Variants in ZNF808 observed in about 807,000 individuals in gnomAD.
ZNF808 encodes zinc finger protein 808.
ZNF808 carries 5 observed loss-of-function variants against 8.7 expected under a neutral mutation model. The observed-to-expected ratio is 0.58, with a 90% CI of 0.30 to 1.21. The LOEUF (loss-of-function observed/expected upper bound fraction) is 1.21, where lower values mean the gene tolerates loss of function less well. Ranked by LOEUF, ZNF808 falls within the 50% of genes most tolerant of loss-of-function variation. ZNF808 has a pLI of 0.07. For synonymous variants in ZNF808, 380 were observed against 366.0 expected, an observed-to-expected ratio of 1.04 and a Z score of -0.44; for missense variants, 1,103 against 1,098.4, an observed-to-expected ratio of 1.00 and a Z score of -0.06.
rs530849010 is a variant in ZNF808 at position 52,535,505 on chromosome 19, C to G, written c.-20+2496C>G. 2.6e-5 allele frequency among the ~76,000 whole-genome samples: 4 copies of G among 152,272 alleles called. 1 individual carries two copies. In the East Asian group the frequency reaches 5.8e-4, roughly 22 times the overall value. ...TAGCTGGGACCTCAGGCTTCCGCCC[C>G]GTGCCCGCATCCCTGCTGTGTTTAG... On this transcript the variant is annotated intron_variant, in intron 2 of 4. Coordinates refer to ENST00000359798, the MANE Select transcript of ZNF808 (RefSeq NM_001039886.4).
chr19:52,567,204 G>A (rs1484687001), downstream of ZNF808, among the ~76,000 whole-genome samples: 1 of 151,766 alleles, frequency 6.6e-6, no homozygotes, highest in South Asian at 2.1e-4. Context: ...CCCCCACGTC[G>A]GCCTTCCAAA....
downstream of ZNF808, among the ~76,000 whole-genome samples, chr19:52,559,609 G>A (rs1023877797): frequency 1.4e-4 from 21 of 152,176 alleles, no homozygotes; most frequent in East Asian, 9.7e-4. Flanking sequence ...AAATCTCTCC[G>A]TTCCACCTGA....
chr19:52,553,509 G>A lies in ZNF808; in HGVS notation c.593G>A (p.Cys198Tyr), dbSNP rs1167526007. 6 of 1,614,002 alleles carry A rather than the reference G, an allele frequency of 3.7e-6. No homozygotes were observed. The highest frequency in any genetic ancestry group is 3.3e-5 in the Admixed American group (2 of 59,984). ...SSVSTSQRIS[C>Y]RPQIHISNNY... ...GTTTCAACATCCCAAAGAATTTCCT[G>A]TAGGCCCCAAATCCATATTTCTAAT... is the stretch of plus-strand genomic sequence containing the variant. Residue 198 changes from cysteine (C) to tyrosine (Y), a missense_variant, in exon 5 of 5, where the codon TGT becomes TAT. Transcript: ENST00000359798.
In ZNF808 at chr19:52,554,911, A is replaced by G; in HGVS notation, c.1995A>G (p.Ser665=). ...GGAAGACCTTCAGTTACAAGTCATC[A>G]CTTGTATGGCATCGTAGACTTCATG... ...ECGKTFSYKS[S]LVWHRRLHGG... Residue 665 remains serine, a synonymous_variant, in exon 5 of 5, where the codon TCA becomes TCG. Coordinates refer to ENST00000359798, the MANE Select transcript of ZNF808 (RefSeq NM_001039886.4). The G allele has an allele frequency of 6.2e-7, 1 of 1,614,064 alleles. No homozygotes were observed. Among genetic ancestry groups the G allele is most frequent in the Middle Eastern group, 1.7e-4 (1 of 6,060 alleles).
chr19:52,545,204 C>T (rs1395107319), intron 3 of ZNF808, among the ~76,000 whole-genome samples: 1 of 151,922 alleles, frequency 6.6e-6, no homozygotes, highest in Non-Finnish European at 1.5e-5. Context: ...AGTTGAGTCT[C>T]TGTTGTCCAG....
Position 52,554,510 on chromosome 19 carries a change from C to T in ZNF808, c.1594C>T (p.Leu532Phe). 3.1e-6 allele frequency: 5 copies of T among 1,614,154 alleles called. No individual in the cohort carries two copies. Among genetic ancestry groups the T allele is most frequent in the Non-Finnish European group, 4.2e-6 (5 of 1,180,032 alleles). Residue 532 changes from leucine to phenylalanine, a missense_variant, in exon 5 of 5, where the codon CTT becomes TTT. Leu to Phe is a conservative substitution (Grantham distance 22). Transcript: ENST00000359798. ...HRASLVYHRR[L>F]HTLEKSYKCT... Reference sequence around the variant, plus strand: ...GGCATCCCTTGTATACCATCGTAGACTTCACACTCTAGAGAAATCTTACAA... The same window carrying T: ...GGCATCCCTTGTATACCATCGTAGATTTCACACTCTAGAGAAATCTTACAA...
intron 2 of ZNF808, among the ~76,000 whole-genome samples, chr19:52,543,012 TC>T (rs2059686920): frequency 2.6e-5 from 4 of 151,644 alleles, no homozygotes; most frequent in Non-Finnish European, 5.9e-5. Context: ...AAAGGGGGCA[TC>T]AGTGCAGCCC....
rs747758680 is a variant in ZNF808, at chr19:52,554,395, C to T, written c.1479C>T (p.Ser493=). The T allele has an allele frequency of 7.4e-6, 12 of 1,613,364 alleles. No homozygotes were observed. The highest frequency in any genetic ancestry group is 4.0e-5 in the African/African-American group (3 of 74,682). The part of the protein sequence containing the change: ...YKCNECRKTF[S]RRSSLLCHRR... ...GTAATGAGTGTCGCAAGACCTTCAG[C>T]CGCAGGTCATCCCTTCTATGCCATC... Residue 493 remains serine, a synonymous_variant, in exon 5 of 5, where the codon AGC becomes AGT. Coordinates refer to ENST00000359798, the MANE Select transcript of ZNF808 (RefSeq NM_001039886.4).
intron 1 of ZNF808, among the ~76,000 whole-genome samples, chr19:52,528,079 C>G (rs758037548): frequency 1.4e-4 from 21 of 152,186 alleles, no homozygotes; most frequent in Non-Finnish European, 2.6e-4. Flanking sequence ...GAGCGTCGCG[C>G]CGCAGCCCCA....
At chr19:52,564,091 A>G (rs755760566) in exon 4 of ZNF808, 19 of 648,196 alleles carry the variant, frequency 2.9e-5, no homozygotes, top group Non-Finnish European at 4.6e-5. Flanking sequence ...TTCTCACAAG[A>G]CTTTCAGGAT....
chr19:52,539,702 C>T (rs1177009423), intron 2 of ZNF808, among the ~76,000 whole-genome samples: 2 of 151,464 alleles, frequency 1.3e-5, no homozygotes, highest in Non-Finnish European at 2.9e-5. Context: ...TACAGGCACA[C>T]ACCACCATGG....
intron 3 of ZNF808, among the ~76,000 whole-genome samples, chr19:52,562,837 G>C (rs1415827932): frequency 6.6e-6 from 1 of 151,920 alleles, no homozygotes; most frequent in African/African-American, 2.4e-5. Context: ...GCAATGGCAT[G>C]ATCTCGGCTC....
chr19:52,530,195 G>A (rs2059548760), intron 1 of ZNF808, among the ~76,000 whole-genome samples: 1 of 152,050 alleles, frequency 6.6e-6, no homozygotes, highest in Admixed American at 6.6e-5. Flanking sequence ...AGAGTAGTTG[G>A]GAGTACAGGC....
chr19:52,542,518 C>T (rs77588827), intron 2 of ZNF808, among the ~76,000 whole-genome samples: 10,320 of 152,118 alleles, frequency 0.068, 361 homozygotes, highest in Non-Finnish European at 0.078. Context: ...TCATCTTCTC[C>T]GGGTTTCCTT....
intron 2 of ZNF808, among the ~76,000 whole-genome samples, chr19:52,538,330 A>AATT (rs760151370): frequency 4.7e-4 from 58 of 124,438 alleles, no homozygotes; most frequent in Admixed American, 1.2e-3. Flanking sequence ...CCTACATACT[A>AATT]ATTATTATTA....
Position 52,553,312 on chromosome 19 carries a change from A to T in ZNF808, c.396A>T (p.Ile132=), listed in dbSNP as rs776320019. Residue 132 remains isoleucine, a synonymous_variant, in exon 5 of 5, where the codon ATA becomes ATT. Coordinates refer to ENST00000359798, the MANE Select transcript of ZNF808 (RefSeq NM_001039886.4). ...GCCATGAAGCACCCACGACAAAAAT[A>T]AAAAAGTTGACTGGTAGCACAGACC... is the stretch of plus-strand genomic sequence containing the variant. The part of the protein sequence containing the change: ...RNGHEAPTTK[I]KKLTGSTDQH... 8 of 1,613,714 alleles carry T rather than the reference A, an allele frequency of 5.0e-6. No homozygotes were observed. Among genetic ancestry groups the T allele is most frequent in the Middle Eastern group, 3.3e-4 (2 of 6,060 alleles).
At chr19:52,552,767 A>T (rs1267265225) in intron 4 of ZNF808, among the ~76,000 whole-genome samples, 1 of 147,746 alleles carries the variant, frequency 6.8e-6, no homozygotes, top group Non-Finnish European at 1.5e-5. Context: ...AAGAATATAT[A>T]TTTTTCTCTT....
chr19:52,538,630 A>G (rs1445312855), intron 2 of ZNF808, among the ~76,000 whole-genome samples: 1 of 145,898 alleles, frequency 6.9e-6, no homozygotes, highest in African/African-American at 2.6e-5. Flanking sequence ...CTCTGTCTCA[A>G]AAAAACCAAA....
chr19:52,547,368 A>C, intron 3 of ZNF808, 144 bp from the exon 4 acceptor site: 1 of 1,499,254 alleles, frequency 6.7e-7, no homozygotes, highest in Non-Finnish European at 8.9e-7. Context: ...CTATACGGAA[A>C]AAATAGTCAA....
Sources: gnomAD v4.1 joint callset for allele counts (sites outside exome capture counted in the v4.1 genomes callset) on GRCh38, gnomAD v4.1.1 for gene constraint, MANE v1.5 for transcripts, NCBI Gene and HGNC (gene_info 2026-07-23, HGNC 2026-07-21) for gene names.